The following NCKAP5 variants were observed in gnomAD, a reference collection of about 807,000 sequenced individuals.
NCKAP5 encodes nck-associated protein 5.
In NCKAP5, 92 loss-of-function variants were observed where a neutral mutation model predicts 167.0. The ratio of observed to expected loss-of-function variants is 0.55; its 90% CI spans 0.47 to 0.66. The LOEUF is 0.66. Among genes scored for constraint, NCKAP5 ranks in the 30% least tolerant of loss-of-function variants. NCKAP5 has a pLI of 0.00. For missense variants in NCKAP5, 2,378 were observed against 2,315.0 expected (o/e 1.03, Z -0.56); for synonymous variants, 891 against 877.4 (o/e 1.02, Z -0.27).
At chr2:132,796,764 T>G (rs1490042633) in intron 11 of NCKAP5, 35 bp from the exon 12 acceptor site, 2 of 1,380,330 alleles carry the variant, frequency 1.4e-6, no homozygotes, top group South Asian at 2.4e-5. Flanking sequence ...TGAATAGCGA[T>G]AATTTAATTA....
At chr2:132,802,647 A>C (rs952396125) in intron 11 of NCKAP5, among the ~76,000 whole-genome samples, 1 of 152,236 alleles carries the variant, frequency 6.6e-6, no homozygotes, top group Non-Finnish European at 1.5e-5. Flanking sequence ...TATGACCCTG[A>C]ATAGACATAA....
chr2:133,083,335 A>G (rs560204898), intron 6 of NCKAP5, among the ~76,000 whole-genome samples: 1 of 152,246 alleles, frequency 6.6e-6, no homozygotes, highest in Admixed American at 6.5e-5. Context: ...TGATCCACTC[A>G]GGGGCTTGCT....
chr2:133,585,967 C>A, the NCKAP5 span, among the ~76,000 whole-genome samples: 3 of 152,110 alleles, frequency 2.0e-5, no homozygotes, highest in Non-Finnish European at 4.4e-5. Flanking sequence ...TGGCATGGTG[C>A]TGATCATTAA....
chr2:133,645,923 C>T, the NCKAP5 span, among the ~76,000 whole-genome samples: 2 of 148,022 alleles, frequency 1.4e-5, no homozygotes, highest in African/African-American at 5.0e-5. Flanking sequence ...CTTAAGGCAT[C>T]AAATGGAAAA....
the NCKAP5 span, among the ~76,000 whole-genome samples, chr2:133,668,786 T>G: frequency 9.2e-5 from 14 of 152,356 alleles, 1 homozygote; most frequent in South Asian, 2.9e-3. Context: ...TCAGCTGTTA[T>G]TTCTTCAAAT....
chr2:132,690,549 A>T (rs2105129494), intron 19 of NCKAP5, among the ~76,000 whole-genome samples: 1 of 152,290 alleles, frequency 6.6e-6, no homozygotes. Flanking sequence ...TGCTTGTATC[A>T]ATTAGCCTCG....
At chr2:133,597,675 A>AG in the NCKAP5 span, among the ~76,000 whole-genome samples, 1 of 41,430 alleles carries the variant, frequency 2.4e-5, no homozygotes, top group Non-Finnish European at 4.4e-5. Flanking sequence ...CTCTGTCTCA[A>AG]AAAAAAAAAA....
At chr2:133,475,093 G>A (rs1679766478) in intron 3 of NCKAP5, among the ~76,000 whole-genome samples, 1 of 152,186 alleles carries the variant, frequency 6.6e-6, no homozygotes, top group African/African-American at 2.4e-5. Flanking sequence ...ACAGGTGTGA[G>A]CCACCATGCC....
chr2:133,603,204 C>G, the NCKAP5 span, among the ~76,000 whole-genome samples: 12 of 147,052 alleles, frequency 8.2e-5, no homozygotes, highest in African/African-American at 2.8e-4. Flanking sequence ...CTGATGGCAT[C>G]GGTTTTTTTT....
At chr2:132,727,904 A>C (rs959285056) in intron 18 of NCKAP5, among the ~76,000 whole-genome samples, 2 of 152,198 alleles carry the variant, frequency 1.3e-5, no homozygotes, top group African/African-American at 4.8e-5. Context: ...GGCCACACTG[A>C]GTGAGGGAGA....
intron 6 of NCKAP5, among the ~76,000 whole-genome samples, chr2:133,095,170 T>A (rs1013497094): frequency 5.3e-5 from 8 of 152,232 alleles, no homozygotes; most frequent in Non-Finnish European, 1.2e-4. Context: ...GGTAAACTGC[T>A]ACACAGTAAC....
chr2:133,572,146 T>G (rs1688890334), upstream of NCKAP5, among the ~76,000 whole-genome samples: 1 of 152,254 alleles, frequency 6.6e-6, no homozygotes, highest in Admixed American at 6.5e-5. Flanking sequence ...AACTCAGGTC[T>G]GCCTGACCCT....
intron 8 of NCKAP5, among the ~76,000 whole-genome samples, chr2:132,895,041 C>A (rs544200073): frequency 4.5e-4 from 69 of 152,020 alleles, no homozygotes; most frequent in Non-Finnish European, 7.8e-4. Flanking sequence ...CCTAAAAAAT[C>A]GAAATAAGGG....
At chr2:133,041,046 A>G (rs1559078965) in intron 6 of NCKAP5, among the ~76,000 whole-genome samples, 1 of 152,204 alleles carries the variant, frequency 6.6e-6, no homozygotes, top group Admixed American at 6.6e-5. Flanking sequence ...CAACATCCTA[A>G]GAATAGTGAT....
chr2:132,770,526 T>G (rs1405837956), intron 16 of NCKAP5, among the ~76,000 whole-genome samples: 1 of 151,124 alleles, frequency 6.6e-6, no homozygotes, highest in Non-Finnish European at 1.5e-5. Context: ...GTCATTTACT[T>G]GTGGCCAGCA....
intron 6 of NCKAP5, among the ~76,000 whole-genome samples, chr2:133,096,734 A>G (rs1314436990): frequency 6.6e-6 from 1 of 152,150 alleles, no homozygotes; most frequent in Non-Finnish European, 1.5e-5. Context: ...GAAATAGGGT[A>G]TACAGTGGGA....
At chr2:133,153,569 A>G (rs2083456017) in intron 5 of NCKAP5, among the ~76,000 whole-genome samples, 1 of 152,222 alleles carries the variant, frequency 6.6e-6, no homozygotes, top group East Asian at 1.9e-4. Context: ...GGGATCACAA[A>G]GCCCTTAATT....
At chr2:133,054,915 T>C (rs928380021) in intron 6 of NCKAP5, among the ~76,000 whole-genome samples, 2 of 152,188 alleles carry the variant, frequency 1.3e-5, no homozygotes, top group Non-Finnish European at 2.9e-5. Context: ...ATGAAAACCC[T>C]GATGAAAAGT....
chr2:133,603,373 G>A, the NCKAP5 span, among the ~76,000 whole-genome samples: 1 of 151,478 alleles, frequency 6.6e-6, no homozygotes, highest in Admixed American at 6.6e-5. Context: ...TTACAAGCAT[G>A]CACCACCACA....
Sources: allele counts gnomAD v4.1 joint callset (sites outside exome capture counted in the v4.1 genomes callset), GRCh38; gene constraint gnomAD v4.1.1; transcripts MANE v1.5; gene names NCBI Gene and HGNC (gene_info 2026-07-23, HGNC 2026-07-21).